The following FAM217B variants were observed in gnomAD, a reference collection of about 807,000 sequenced individuals.
The protein encoded by FAM217B is family with sequence similarity 217 member B, also known as protein FAM217B.
For synonymous variants in FAM217B, 163 were observed against 173.0 expected (o/e 0.94, Z 0.45); for missense variants, 463 against 456.9 (o/e 1.01, Z -0.12).
chr20:59,939,406 G>A (rs776567247), upstream of FAM217B: 1 of 1,610,582 alleles, frequency 6.2e-7, no homozygotes, highest in African/African-American at 1.3e-5. Flanking sequence ...AGGCACACGA[G>A]CTGCCGCTGC....
intron 1 of FAM217B, among the ~76,000 whole-genome samples, chr20:59,934,140 A>C (rs919504117): frequency 6.6e-6 from 1 of 152,056 alleles, no homozygotes; most frequent in African/African-American, 2.4e-5. Flanking sequence ...CGCCGGGCCG[A>C]CGACTCCTGG....
Position 59,944,458 on chromosome 20 carries a change from C to T in FAM217B, c.515C>T (p.Pro172Leu), listed in dbSNP as rs771655977. 3.1e-6 allele frequency: 5 copies of T among 1,613,780 alleles called. No individual in the cohort carries two copies. The highest frequency in any genetic ancestry group is 1.7e-6 in the Non-Finnish European group (2 of 1,179,990). ...LNAENKTEAV[P>L]RVGGLLGKYI... ...GCAGAGAACAAAACGGAAGCCGTGC[C>T]CCGAGTGGGAGGACTTCTTGGGAAG... The change falls in exon 4 of 4, where the codon CCC becomes CTC. Residue 172 changes from proline to leucine, a missense_variant. Pro to Leu is a moderately conservative substitution (Grantham distance 98). Coordinates refer to ENST00000360816, the MANE Select transcript of FAM217B (RefSeq NM_022106.3).
upstream of FAM217B, chr20:59,939,458 A>G (rs747322374): frequency 2.5e-5 from 40 of 1,611,860 alleles, no homozygotes; most frequent in East Asian, 8.3e-4. Flanking sequence ...GCGGCGGGAA[A>G]TCGGGCACCA....
chr20:59,944,221 G>A lies in FAM217B; in HGVS notation c.278G>A (p.Ser93Asn). The A allele has an allele frequency of 6.2e-7, 1 of 1,614,190 alleles. No homozygotes were observed. The highest frequency in any genetic ancestry group is 8.5e-7 in the Non-Finnish European group (1 of 1,180,042). The change falls in exon 4 of 4, where the codon AGT (serine) becomes AAT (asparagine). Residue 93 changes from serine (S) to asparagine (N), a missense_variant. Ser to Asn is a conservative substitution (Grantham distance 46). Transcript: ENST00000360816. ...KIIKENADED[S>N]ASDLSDSERI... ...ATTAAAGAGAATGCTGATGAGGACA[G>A]TGCAAGTGATCTCTCTGATTCGGAA...
Position 59,944,474 on chromosome 20 carries a change from T to C in FAM217B, c.531T>C (p.Leu177=), listed in dbSNP as rs754467365. 12 of 1,613,622 alleles carry C rather than the reference T, an allele frequency of 7.4e-6. No homozygotes were observed. The South Asian group carries it at 1.3e-4, about 18-fold the overall frequency. The change falls in exon 4 of 4, where the codon CTT becomes CTC. Residue 177 remains leucine (L), a synonymous_variant. Coordinates refer to ENST00000360816, the MANE Select transcript of FAM217B (RefSeq NM_022106.3). ...KTEAVPRVGG[L]LGKYIDRLIQ... ...AAGCCGTGCCCCGAGTGGGAGGACT[T>C]CTTGGGAAGTATATCGATAGACTTA...
At chr20:59,943,865 C>G (rs1601046986) in intron 3 of FAM217B, 75 bp from the exon 4 acceptor site, 1 of 1,269,212 alleles carries the variant, frequency 7.9e-7, no homozygotes, top group South Asian at 1.6e-5. Context: ...CTAGAAGATT[C>G]TTTTTGTTTG....
At position 59,944,887 on chromosome 20, in the gene FAM217B, C is replaced by A; in HGVS notation, c.944C>A (p.Ser315Tyr). 7 of 1,614,164 alleles carry A rather than the reference C, an allele frequency of 4.3e-6. No homozygotes were observed. The highest frequency in any genetic ancestry group is 5.1e-6 in the Non-Finnish European group (6 of 1,180,024). ...GATCTGTCCGGCAGTGGAAGCAGCT[C>A]TAAGGTGGAAACCAGCGGTCACATT... ...RWDLSGSGSS[S>Y]KVETSGHIRV... The change falls in exon 4 of 4, where the codon TCT becomes TAT. Residue 315 changes from serine to tyrosine, a missense_variant. Ser to Tyr is a moderately radical substitution (Grantham distance 144). Transcript: ENST00000360816.
At chr20:59,939,296 G>A, upstream of FAM217B, 1 of 1,612,332 alleles carries the variant, frequency 6.2e-7, no homozygotes, top group Non-Finnish European at 8.5e-7. Context: ...TACTGCGCCA[G>A]CCCGAGAAAG....
At chr20:59,941,258 G>A (rs2060903431) in intron 1 of FAM217B, among the ~76,000 whole-genome samples, 1 of 152,134 alleles carries the variant, frequency 6.6e-6, no homozygotes, top group Non-Finnish European at 1.5e-5. Flanking sequence ...TTGTCCAGAG[G>A]GACAAAGCAG....
chr20:59,935,225 C>T (rs2060853059), intron 1 of FAM217B, among the ~76,000 whole-genome samples: 1 of 152,098 alleles, frequency 6.6e-6, no homozygotes, highest in Non-Finnish European at 1.5e-5. Context: ...GGTGGAGTTG[C>T]GAACGCACAG....
At position 59,940,944 on chromosome 20, in the gene FAM217B, C is replaced by T. The variant is rs200203822; in HGVS notation, c.-203+409C>T. Reference sequence around the variant, plus strand: ...AGACAGGGGAACAAGAGTTATTACCCGCTGATGACTTCTGCAGCTGCCCTT... The same window carrying T: ...AGACAGGGGAACAAGAGTTATTACCTGCTGATGACTTCTGCAGCTGCCCTT... On this transcript the variant is annotated intron_variant, in intron 1 of 3. Coordinates refer to ENST00000360816, the MANE Select transcript of FAM217B (RefSeq NM_022106.3). 1.2e-4 allele frequency among the ~76,000 whole-genome samples: 19 copies of T among 152,320 alleles called. No individual in the cohort carries two copies. In the East Asian group the frequency reaches 3.3e-3, roughly 26 times the overall value.
intron 3 of FAM217B, among the ~76,000 whole-genome samples, chr20:59,943,268 C>T (rs553424681): frequency 6.6e-6 from 1 of 152,184 alleles, no homozygotes; most frequent in Non-Finnish European, 1.5e-5. Context: ...ACACTAAGAC[C>T]CTGTGTTTTC....
rs1363963073 is a variant in FAM217B, at chr20:59,948,037, T to TAA, written c.*2952_*2953dup. 1.2e-4 allele frequency: 18 copies of TAA among 146,310 alleles called. No individual in the cohort carries two copies. Among genetic ancestry groups the TAA allele is most frequent in the Admixed American group, 7.0e-5 (1 of 14,208 alleles). The allele number at this position is 146,310 out of a possible 1,614,324, so 9.1% of individuals were successfully genotyped here. A position where few individuals can be genotyped will look rare whatever the true frequency, so the allele number is the denominator to read the frequency against. ...CCAATTAAAACAATCCAAGTTTCTTTAAAAAAAAAAAGAAAAAGAAAAAGA... is the reference window on the plus strand; with the variant it reads ...CCAATTAAAACAATCCAAGTTTCTTTAAAAAAAAAAAAAGAAAAAGAAAAAGA... On this transcript the variant is annotated 3_prime_UTR_variant, in exon 4 of 4. Coordinates refer to ENST00000360816, the MANE Select transcript of FAM217B (RefSeq NM_022106.3).
exon 1 of FAM217B, chr20:59,933,791 C>G (rs1006390846): frequency 1.3e-5 from 2 of 151,468 alleles, no homozygotes; most frequent in South Asian, 4.2e-4. Context: ...CAACGCTCGC[C>G]GGGGTCGCCC....
rs745688103 is a variant in FAM217B at position 59,944,564 on chromosome 20, G to A, written c.621G>A (p.Arg207=). ...QCEKAKGGKA[R]PPTAPGTSGA... ...AAAAAGCAAAGGGGGGCAAAGCAAG[G>A]CCCCCCACTGCCCCTGGGACCTCAG... The change falls in exon 4 of 4, where the codon AGG becomes AGA. Residue 207 remains arginine, a synonymous_variant. Coordinates refer to ENST00000360816, the MANE Select transcript of FAM217B (RefSeq NM_022106.3). 8 of 1,613,830 alleles carry A rather than the reference G, an allele frequency of 5.0e-6. No individual in the cohort carries two copies. Among genetic ancestry groups the A allele is most frequent in the South Asian group, 2.2e-5 (2 of 91,060 alleles).
In FAM217B at chr20:59,944,404, A is replaced by G; in HGVS notation, c.461A>G (p.Asp154Gly). ...CTTCCATCCCCTTTCAGCTCCTGGG[A>G]CCTACGAGATATGGCCCTGCTTCTG... The part of the protein sequence containing the change: ...NFLPSPFSSW[D>G]LRDMALLLNA... The change falls in exon 4 of 4, where the codon GAC becomes GGC. Residue 154 changes from aspartate (D) to glycine (G), a missense_variant. By Grantham distance (94) the Asp-to-Gly change is moderately conservative. Coordinates refer to ENST00000360816, the MANE Select transcript of FAM217B (RefSeq NM_022106.3). 1 of 1,613,960 alleles carries G rather than the reference A, an allele frequency of 6.2e-7. No individual in the cohort carries two copies. The highest frequency in any genetic ancestry group is 8.5e-7 in the Non-Finnish European group (1 of 1,180,002).
In FAM217B at chr20:59,934,880, C is replaced by T. The variant is rs145136956; in HGVS notation, c.-326+1027C>T. 9.3e-4 allele frequency among the ~76,000 whole-genome samples: 142 copies of T among 152,256 alleles called. 1 individual carries two copies. The highest frequency in any genetic ancestry group is 3.3e-3 in the African/African-American group (137 of 41,552). On this transcript the variant is annotated intron_variant, in intron 1 of 4. Coordinates refer to the FAM217B transcript ENST00000358293. ...AGCAGATCAAATCACAGTAAATAAGCTCTCAGAGGTGTTTTAAATATTCTG... is the reference window on the plus strand; with the variant it reads ...AGCAGATCAAATCACAGTAAATAAGTTCTCAGAGGTGTTTTAAATATTCTG...
chr20:59,939,657 G>A (rs1453116885), upstream of FAM217B: 4 of 1,502,354 alleles, frequency 2.7e-6, no homozygotes, highest in Non-Finnish European at 3.5e-6. Flanking sequence ...CGGCCGACAC[G>A]CAGCGCCCGG....
chr20:59,944,336 T>C lies in FAM217B; in HGVS notation c.393T>C (p.Pro131=). The C allele has an allele frequency of 6.2e-7, 1 of 1,614,160 alleles. No individual in the cohort carries two copies. Among genetic ancestry groups the C allele is most frequent in the Non-Finnish European group, 8.5e-7 (1 of 1,180,032 alleles). The stretch of plus-strand genomic sequence containing the variant: ...ATCCAGTTTACTTTGATCTTCACCC[T>C]GGTCAGGGCCATACAAAACCTGAAT... The part of the protein sequence containing the change: ...EIDPVYFDLH[P]GQGHTKPEYY... The change falls in exon 4 of 4, where the codon CCT becomes CCC. Residue 131 remains proline (P), a synonymous_variant. Transcript: ENST00000360816.
Sources: gnomAD v4.1 joint callset for allele counts (sites outside exome capture counted in the v4.1 genomes callset) on GRCh38, gnomAD v4.1.1 for gene constraint, MANE v1.5 for transcripts, NCBI Gene and HGNC (gene_info 2026-07-23, HGNC 2026-07-21) for gene names.